CLDN10: variants seen among roughly 807,000 people sequenced by gnomAD.
CLDN10 encodes claudin-10.
In CLDN10, 15 loss-of-function variants were observed where a neutral mutation model predicts 22.9. The observed-to-expected ratio is 0.65, with a 90% CI of 0.44 to 1.01. The LOEUF (loss-of-function observed/expected upper bound fraction) is 1.01, where lower values mean the gene tolerates loss of function less well. Ranked by LOEUF, CLDN10 falls within the 50% of genes least tolerant of loss-of-function variation. The pLI, the probability that CLDN10 is intolerant of heterozygous loss-of-function variation, is 0.00. For synonymous variants in CLDN10, 114 were observed against 111.4 expected, an observed-to-expected ratio of 1.02 and a Z score of -0.15; for missense variants, 247 against 287.8, an observed-to-expected ratio of 0.86 and a Z score of 1.03.
chr13:95,493,052 G>A lies in CLDN10; in HGVS notation c.214+59005G>A, dbSNP rs866230481. Among the ~76,000 whole-genome samples the A allele has an allele frequency of 1.6e-4, 24 of 152,224 alleles. No individual in the cohort carries two copies. In the Middle Eastern group the frequency reaches 0.01, roughly 65 times the overall value. ...CTCCTGTGTCCTGCAGGGGCAGTCC[G>A]CTTCCTTCAGAGGGTCTGCGGCTCC... On this transcript the variant is annotated intron_variant, in intron 1 of 4. Coordinates refer to the CLDN10 transcript ENST00000376873.
chr13:95,496,482 C>T (rs190122320), intron 1 of CLDN10, among the ~76,000 whole-genome samples: 127 of 152,330 alleles, frequency 8.3e-4, no homozygotes, highest in South Asian at 3.9e-3. Flanking sequence ...CCTTGTCTTA[C>T]TGTGCTCAGG....
chr13:95,456,589 AC>A (rs2042484062), intron 1 of CLDN10, among the ~76,000 whole-genome samples: 1 of 152,030 alleles, frequency 6.6e-6, no homozygotes, highest in Non-Finnish European at 1.5e-5. Flanking sequence ...GCCTGTCTCC[AC>A]AAAAAATTAA....
Position 95,552,749 on chromosome 13 carries a change from G to T in CLDN10, c.-5G>T, listed in dbSNP as rs1381924513. 1 of 1,607,514 alleles carries T rather than the reference G, an allele frequency of 6.2e-7. No homozygotes were observed. Among genetic ancestry groups the T allele is most frequent in the Admixed American group, 1.7e-5 (1 of 59,582 alleles). The stretch of plus-strand genomic sequence containing the variant: ...CGGAGAGCGAGCGCGGCTGCAGCCG[G>T]CGGCATGGCTAGCACGGCTTCGGAG... On this transcript the variant is annotated 5_prime_UTR_variant, in exon 1 of 5. Coordinates refer to ENST00000299339, the MANE Select transcript of CLDN10 (RefSeq NM_006984.5).
intron 1 of CLDN10, among the ~76,000 whole-genome samples, chr13:95,499,738 G>A (rs4771917): frequency 0.34 from 51,676 of 151,912 alleles, 9,926 homozygotes; most frequent in East Asian, 0.42. Context: ...AATCAGCAGC[G>A]GAGCCCCAAC....
chr13:95,566,747 G>A (rs953438200), intron 3 of CLDN10, among the ~76,000 whole-genome samples: 4 of 152,102 alleles, frequency 2.6e-5, no homozygotes, highest in Non-Finnish European at 5.9e-5. Context: ...GGGCTTTTAT[G>A]GTTTTATGTC....
intron 1 of CLDN10, among the ~76,000 whole-genome samples, chr13:95,473,061 GC>G (rs1434461800): frequency 7.3e-5 from 11 of 150,268 alleles, no homozygotes; most frequent in Admixed American, 4.7e-4. Context: ...GATTGTTTAA[GC>G]CCAGGAGTTT....
At chr13:95,455,775 G>C (rs2042477023) in intron 1 of CLDN10, among the ~76,000 whole-genome samples, 1 of 152,154 alleles carries the variant, frequency 6.6e-6, no homozygotes, top group African/African-American at 2.4e-5. Context: ...GAATTGAAAA[G>C]AGAAATGGAA....
chr13:95,440,554 T>A (rs1401071819), intron 1 of CLDN10, among the ~76,000 whole-genome samples: 1 of 152,134 alleles, frequency 6.6e-6, no homozygotes, highest in Non-Finnish European at 1.5e-5. Flanking sequence ...CACATGCCTG[T>A]AGTTCCAACT....
At chr13:95,499,877 G>C (rs1192856150) in intron 1 of CLDN10, among the ~76,000 whole-genome samples, 2 of 152,084 alleles carry the variant, frequency 1.3e-5, no homozygotes, top group Non-Finnish European at 2.9e-5. Context: ...AATTGTCTTG[G>C]GCCACACATA....
intron 1 of CLDN10, among the ~76,000 whole-genome samples, chr13:95,519,104 C>T (rs192698838): frequency 1.3e-5 from 2 of 152,310 alleles, no homozygotes; most frequent in East Asian, 1.9e-4. Flanking sequence ...GCACAACATA[C>T]ATCAGGTATT....
chr13:95,462,893 T>C (rs968406745), intron 1 of CLDN10, among the ~76,000 whole-genome samples: 2 of 152,184 alleles, frequency 1.3e-5, no homozygotes, highest in African/African-American at 4.8e-5. Context: ...TCTTATCTGA[T>C]TGGAAGAAGA....
At chr13:95,566,452 G>C (rs2043788973) in intron 3 of CLDN10, among the ~76,000 whole-genome samples, 1 of 152,148 alleles carries the variant, frequency 6.6e-6, no homozygotes, top group Non-Finnish European at 1.5e-5. Context: ...CATATCCTTT[G>C]CCCACTTTTT....
At chr13:95,517,944 A>AG (rs2043187378) in intron 1 of CLDN10, among the ~76,000 whole-genome samples, 2 of 147,590 alleles carry the variant, frequency 1.4e-5, no homozygotes. Flanking sequence ...AAAAAAAAAA[A>AG]AAAAAAAAAA....
chr13:95,575,310 G>A lies in CLDN10; in HGVS notation c.465-1921G>A, dbSNP rs374459289. Among the ~76,000 whole-genome samples, 11 of 152,312 alleles carry A rather than the reference G, an allele frequency of 7.2e-5. No individual in the cohort carries two copies. In the East Asian group the frequency reaches 1.3e-3, roughly 19 times the overall value. On this transcript the variant is annotated intron_variant, in intron 3 of 4. Transcript: ENST00000299339. ...ATGCTCATTCCTTTAGTTGTCTGCA[G>A]TAAAAAGGGTGCCAACAGACAGATC... is the stretch of plus-strand genomic sequence containing the variant.
intron 1 of CLDN10, among the ~76,000 whole-genome samples, chr13:95,507,203 A>T (rs765697939): frequency 2.1e-4 from 32 of 152,214 alleles, no homozygotes; most frequent in Non-Finnish European, 3.8e-4. Flanking sequence ...ATTTCCTACC[A>T]TCTTCAACAG....
At chr13:95,538,680 G>C (rs556153535) in intron 1 of CLDN10, among the ~76,000 whole-genome samples, 2 of 152,210 alleles carry the variant, frequency 1.3e-5, no homozygotes, top group South Asian at 4.1e-4. Flanking sequence ...CTATAGGGTA[G>C]AGCCTGGATC....
At chr13:95,568,678 A>C (rs1486447092) in intron 3 of CLDN10, among the ~76,000 whole-genome samples, 1 of 152,154 alleles carries the variant, frequency 6.6e-6, no homozygotes, top group Non-Finnish European at 1.5e-5. Context: ...ACAAGCATCT[A>C]GAAGTCGAAA....
intron 1 of CLDN10, among the ~76,000 whole-genome samples, chr13:95,465,398 C>T (rs1276125763): frequency 6.6e-6 from 1 of 152,134 alleles, no homozygotes; most frequent in Non-Finnish European, 1.5e-5. Context: ...TGTTTTAAAA[C>T]CCTCACTTAT....
chr13:95,477,174 A>AC (rs2042692873), intron 1 of CLDN10, among the ~76,000 whole-genome samples: 1 of 152,084 alleles, frequency 6.6e-6, no homozygotes, highest in East Asian at 1.9e-4. Context: ...ATGCAGGGAC[A>AC]CCCGGGGCAG....
Sources: gnomAD v4.1 joint callset for allele counts (sites outside exome capture counted in the v4.1 genomes callset) on GRCh38, gnomAD v4.1.1 for gene constraint, MANE v1.5 for transcripts, NCBI Gene and HGNC (gene_info 2026-07-23, HGNC 2026-07-21) for gene names.